Variants in SLC38A8 observed in about 807,000 individuals in gnomAD.
SLC38A8 encodes solute carrier family 38 member 8, also known as amino acid transporter SLC38A8.
SLC38A8 carries 65 observed loss-of-function variants against 46.0 expected under a neutral mutation model. The ratio of observed to expected loss-of-function variants is 1.41; its 90% CI spans 1.16 to 1.74. The LOEUF is 1.74. SLC38A8 is among the 40% of genes most tolerant of loss of function. SLC38A8 has a pLI of 0.00. For synonymous variants in SLC38A8, 447 were observed against 243.7 expected (o/e 1.83, Z -7.77); for missense variants, 998 against 567.9 (o/e 1.76, Z -7.70).
In SLC38A8 at chr16:84,033,356, G is replaced by A. The variant is rs111674240; in HGVS notation, c.502C>T (p.Arg168Trp). The change falls in exon 4 of 11, where the codon CGG (arginine) becomes TGG (tryptophan). Residue 168 changes from arginine (R) to tryptophan (W), a missense_variant. Coordinates refer to ENST00000299709, the MANE Select transcript of SLC38A8 (RefSeq NM_001080442.3). ...GTGTATTTCTGGAAGGCGATCTCCC[G>A]CGGGGCAGACAGGGGCAGGATGACC... ...VLVILPLSAP[R>W]EIAFQKYTSI... 1.5e-5 allele frequency: 24 copies of A among 1,613,956 alleles called. No homozygotes were observed. Among genetic ancestry groups the A allele is most frequent in the African/African-American group, 4.0e-5 (3 of 74,910 alleles).
In SLC38A8 at chr16:84,018,393, G is replaced by T. The variant is rs538432232; in HGVS notation, c.806-1106C>A. 1.3e-3 allele frequency among the ~76,000 whole-genome samples: 197 copies of T among 151,952 alleles called. 3 individuals carry two copies. The highest frequency in any genetic ancestry group is 4.6e-3 in the African/African-American group (190 of 41,466). ...GACTACAGACGCCCGCCACATTTTT[G>T]AATTTTTAGTAAAGACAGGGTTTCA... On this transcript the variant is annotated intron_variant, in intron 7 of 10. Coordinates refer to ENST00000299709, the MANE Select transcript of SLC38A8 (RefSeq NM_001080442.3).
chr16:84,038,814 A>G (rs559128854), intron 2 of SLC38A8, among the ~76,000 whole-genome samples: 12 of 152,196 alleles, frequency 7.9e-5, no homozygotes, highest in Non-Finnish European at 1.6e-4. Flanking sequence ...AGCATGTGTG[A>G]TTGATCCGTA....
intron 5 of SLC38A8, among the ~76,000 whole-genome samples, chr16:84,029,806 A>G (rs1338661835): frequency 6.6e-6 from 1 of 152,224 alleles, no homozygotes; most frequent in African/African-American, 2.4e-5. Context: ...TTTGGGCAGG[A>G]AAACCGCAGT....
intron 6 of SLC38A8, among the ~76,000 whole-genome samples, chr16:84,027,386 AACAC>A (rs200673419): frequency 0.054 from 8,146 of 151,074 alleles, 744 homozygotes; most frequent in African/African-American, 0.19. Flanking sequence ...CAAACAAACA[AACAC>A]ACACTAGAAG....
chr16:84,033,575 C>G, intron 3 of SLC38A8, 106 bp from the exon 4 acceptor site: 1 of 1,338,186 alleles, frequency 7.5e-7, no homozygotes, highest in Non-Finnish European at 1.0e-6. Context: ...CCACCCTCAG[C>G]CAGCCCCAGG....
In SLC38A8 at chr16:84,036,821, C is replaced by T. The variant is rs768657069; in HGVS notation, c.269G>A (p.Gly90Asp). Reference protein sequence around the residue: ...AAVSGQATYQGVVRGLCGPAI... With the variant: ...AAVSGQATYQDVVRGLCGPAI... ...AGGGCCACACAGCCCCCTGACCACA[C>T]CCTGGTAGGTGGCCTGGCCACTGAC... Residue 90 changes from glycine to aspartate, a missense_variant, in exon 3 of 11, where the codon GGT becomes GAT. Gly to Asp is a moderately conservative substitution (Grantham distance 94, BLOSUM62 -1). Coordinates refer to ENST00000299709, the MANE Select transcript of SLC38A8 (RefSeq NM_001080442.3). 1.2e-6 allele frequency: 2 copies of T among 1,614,076 alleles called. No homozygotes were observed. Among genetic ancestry groups the T allele is most frequent in the African/African-American group, 2.7e-5 (2 of 75,060 alleles).
At chr16:84,040,396 C>A (rs2085354479) in intron 2 of SLC38A8, among the ~76,000 whole-genome samples, 1 of 152,204 alleles carries the variant, frequency 6.6e-6, no homozygotes, top group Non-Finnish European at 1.5e-5. Context: ...CAGCTGTTTC[C>A]CCAGAAGCAA....
rs149884091 is a variant in SLC38A8, at chr16:84,019,516, A to G, written c.806-2229T>C. 5.9e-3 allele frequency among the ~76,000 whole-genome samples: 902 copies of G among 152,322 alleles called. 13 individuals carry two copies. Among genetic ancestry groups the G allele is most frequent in the African/African-American group, 0.021 (861 of 41,574 alleles). ...AGCTTCTTAAAGGCCCCACCTCTCG[A>G]TACTGCCATACTGGCAATTTAATTT... On this transcript the variant is annotated intron_variant, in intron 7 of 10. Coordinates refer to ENST00000299709, the MANE Select transcript of SLC38A8 (RefSeq NM_001080442.3).
At chr16:84,035,647 AAG>A (rs2085292227) in intron 3 of SLC38A8, among the ~76,000 whole-genome samples, 1 of 152,266 alleles carries the variant, frequency 6.6e-6, no homozygotes, top group Admixed American at 6.5e-5. Context: ...TTCTAAGTCA[AAG>A]AATGAGAAGA....
intron 7 of SLC38A8, among the ~76,000 whole-genome samples, chr16:84,018,832 G>A (rs999863641): frequency 2.0e-5 from 3 of 152,168 alleles, no homozygotes; most frequent in Admixed American, 6.5e-5. Flanking sequence ...ATCTGGTCGG[G>A]GCAGTGAATT....
At chr16:84,011,095 C>A (rs1533078) in intron 10 of SLC38A8, among the ~76,000 whole-genome samples, 1 of 152,096 alleles carries the variant, frequency 6.6e-6, no homozygotes, top group Admixed American at 6.5e-5. Context: ...AGGAACATTT[C>A]TAACCGAGCA....
chr16:84,041,873 G>T, intron 2 of SLC38A8, 96 bp downstream of exon 2: 2 of 1,102,234 alleles, frequency 1.8e-6, no homozygotes, highest in South Asian at 3.1e-5. Context: ...TAGCTTACAG[G>T]ACACGCAACT....
At position 84,016,712 on chromosome 16, in the gene SLC38A8, G is replaced by A. The variant is rs1430296946; in HGVS notation, c.969C>T (p.Asp323=). The A allele has an allele frequency of 3.1e-6, 5 of 1,612,632 alleles. No homozygotes were observed. The highest frequency in any genetic ancestry group is 1.1e-5 in the South Asian group (1 of 91,022). The change falls in exon 9 of 11, where the codon GAC becomes GAT. Residue 323 remains aspartate (D), a synonymous_variant. Coordinates refer to ENST00000299709, the MANE Select transcript of SLC38A8 (RefSeq NM_001080442.3). ...VLFLGRSVMQ[D]FWRRSCLGGW... is the part of the protein sequence containing the mutation. ...CCCCCAAGCAGCTCCTCCTCCAGAAGTCCTGCATCACTGACCTGGAGGCCA... is the reference window on the plus strand; with the variant it reads ...CCCCCAAGCAGCTCCTCCTCCAGAAATCCTGCATCACTGACCTGGAGGCCA...
At chr16:84,015,974 C>T (rs1487425962) in intron 9 of SLC38A8, among the ~76,000 whole-genome samples, 1 of 152,236 alleles carries the variant, frequency 6.6e-6, no homozygotes, top group African/African-American at 2.4e-5. Flanking sequence ...CCACTGTGCC[C>T]AGCCAGAGGC....
intron 6 of SLC38A8, among the ~76,000 whole-genome samples, chr16:84,026,848 C>T (rs1187519453): frequency 6.6e-6 from 1 of 152,126 alleles, no homozygotes; most frequent in African/African-American, 2.4e-5. Flanking sequence ...CAAATCCAGA[C>T]AGACAAGAAG....
intron 10 of SLC38A8, among the ~76,000 whole-genome samples, chr16:84,010,361 G>T (rs900061700): frequency 1.3e-5 from 2 of 152,120 alleles, no homozygotes; most frequent in South Asian, 4.2e-4. Context: ...GCAAGCCACC[G>T]TTGCTGGCCG....
intron 9 of SLC38A8, among the ~76,000 whole-genome samples, chr16:84,013,588 A>G (rs7198939): frequency 0.37 from 56,124 of 150,686 alleles, 14,744 homozygotes; most frequent in African/African-American, 0.76. Flanking sequence ...GTGCCACCAC[A>G]CCCCGCTCAT....
chr16:84,032,906 GT>G (rs1387611175), intron 4 of SLC38A8, among the ~76,000 whole-genome samples: 6 of 96,210 alleles, frequency 6.2e-5, no homozygotes, highest in African/African-American at 3.1e-4. Flanking sequence ...GTGTGGGTGG[GT>G]GAGCATGGGT....
In SLC38A8 at chr16:84,022,792, A is replaced by G; in HGVS notation, c.788T>C (p.Leu263Pro). 6.2e-7 allele frequency: 1 copy of G among 1,614,070 alleles called. No individual in the cohort carries two copies. The highest frequency in any genetic ancestry group is 1.1e-5 in the South Asian group (1 of 91,078). The change falls in exon 7 of 11, where the codon CTC becomes CCC. Residue 263 changes from leucine (L) to proline (P), a missense_variant. By Grantham distance (98) the Leu-to-Pro change is moderately conservative. Coordinates refer to ENST00000299709, the MANE Select transcript of SLC38A8 (RefSeq NM_001080442.3). ...VSVLSLLACC[L>P]IYSLTGVYGF... The stretch of plus-strand genomic sequence containing the variant: ...GGCCTTACCCGTCAGTGAATAGATG[A>G]GGCAGCAGGCCAGCAAGGACAGCAC...
Sources: gnomAD v4.1 joint callset for allele counts (sites outside exome capture counted in the v4.1 genomes callset) on GRCh38, gnomAD v4.1.1 for gene constraint, MANE v1.5 for transcripts, NCBI Gene and HGNC (gene_info 2026-07-23, HGNC 2026-07-21) for gene names.